DOCK3: variants seen among roughly 807,000 people sequenced by gnomAD.
DOCK3 encodes the protein dedicator of cytokinesis 3.
Under a neutral mutation model 265.6 loss-of-function variants are expected in DOCK3, and 60 were observed. The ratio of observed to expected loss-of-function variants is 0.23; its 90% CI spans 0.18 to 0.28. The LOEUF is 0.28. Among genes scored for constraint, DOCK3 ranks in the 10% least tolerant of loss-of-function variants. The pLI is 1.00. For synonymous variants in DOCK3, 881 were observed against 938.0 expected (o/e 0.94, Z 1.11); for missense variants, 1,981 against 2,594.3 (o/e 0.76, Z 5.14).
At chr3:50,710,778 T>C (rs770285580) in intron 1 of DOCK3, among the ~76,000 whole-genome samples, 1 of 152,036 alleles carries the variant, frequency 6.6e-6, no homozygotes, top group East Asian at 1.9e-4. Context: ...AACCAATGAG[T>C]GTATAAAGAA....
At chr3:50,913,296 G>A (rs1221511129) in intron 4 of DOCK3, among the ~76,000 whole-genome samples, 1 of 151,964 alleles carries the variant, frequency 6.6e-6, no homozygotes, top group Non-Finnish European at 1.5e-5. Flanking sequence ...TGATTGACTG[G>A]TGCCCTGTCT....
intron 27 of DOCK3, among the ~76,000 whole-genome samples, chr3:51,294,453 C>A (rs1044058146): frequency 1.3e-4 from 19 of 151,996 alleles, no homozygotes; most frequent in African/African-American, 4.6e-4. Context: ...CCAAGGCAGG[C>A]GGATCACGAG....
intron 1 of DOCK3, among the ~76,000 whole-genome samples, chr3:50,696,672 C>T (rs1177957419): frequency 6.6e-6 from 1 of 151,910 alleles, no homozygotes; most frequent in African/African-American, 2.4e-5. Flanking sequence ...TTTAGTGATA[C>T]TTTTTTGGGG....
At chr3:51,082,493 C>T (rs1419512837) in intron 7 of DOCK3, among the ~76,000 whole-genome samples, 1 of 152,174 alleles carries the variant, frequency 6.6e-6, no homozygotes, top group Non-Finnish European at 1.5e-5. Context: ...AAAGCTAAAA[C>T]TTGTGCTCCC....
At chr3:51,027,625 G>C (rs879223190) in intron 5 of DOCK3, among the ~76,000 whole-genome samples, 1 of 151,974 alleles carries the variant, frequency 6.6e-6, no homozygotes, top group Non-Finnish European at 1.5e-5. Context: ...GTGCTTTGTT[G>C]TTGGGTGCAT....
At chr3:51,226,384 C>T (rs1434264724) in intron 15 of DOCK3, among the ~76,000 whole-genome samples, 1 of 152,178 alleles carries the variant, frequency 6.6e-6, no homozygotes, top group Admixed American at 6.5e-5. Flanking sequence ...TTGCAGCCCA[C>T]TTTGTAGAAG....
At position 51,312,009 on chromosome 3, in the gene DOCK3, T is replaced by C; in HGVS notation, c.3023T>C (p.Ile1008Thr). 6.3e-7 allele frequency: 1 copy of C among 1,598,654 alleles called. No homozygotes were observed. The highest frequency in any genetic ancestry group is 1.3e-5 in the African/African-American group (1 of 74,882). Residue 1008 changes from isoleucine (I) to threonine (T), a missense_variant, in exon 29 of 53, where the codon ATA (isoleucine) becomes ACA (threonine). By Grantham distance (89) the Ile-to-Thr change is moderately conservative. This residue lies in a region of DOCK3 where 1,357 missense variants were observed against 1,866.8 expected (regional missense o/e 0.73). Transcript: ENST00000266037. The stretch of plus-strand genomic sequence containing the variant: ...GCCTTGTTTCCTTACTGCAGTATTA[T>C]AGTCACTACTGTCCAGTACCTGTCC... ...MVMRLLTSNI[I>T]VTTVQYLSSA...
At position 51,064,603 on chromosome 3, in the gene DOCK3, A is replaced by T. The variant is rs1165983177; in HGVS notation, c.464+7A>T. The T allele has an allele frequency of 6.2e-7, 1 of 1,612,044 alleles. No homozygotes were observed. On this transcript the variant is annotated splice_region_variant and intron_variant, in intron 6 of 52. Coordinates refer to ENST00000266037, the MANE Select transcript of DOCK3 (RefSeq NM_004947.5). ...GCCTGGACTGGGGTAATGAGTAAGTATGAAAATTGTTTGGGTATCTCTCAG... is the reference window on the plus strand; with the variant it reads ...GCCTGGACTGGGGTAATGAGTAAGTTTGAAAATTGTTTGGGTATCTCTCAG...
At chr3:50,767,070 C>T (rs545834269) in intron 1 of DOCK3, among the ~76,000 whole-genome samples, 2 of 152,014 alleles carry the variant, frequency 1.3e-5, no homozygotes, top group Non-Finnish European at 2.9e-5. Flanking sequence ...CTGTAGGTTG[C>T]CTGTTCGCTC....
At chr3:51,168,393 C>T (rs1253665948) in intron 12 of DOCK3, among the ~76,000 whole-genome samples, 1 of 152,144 alleles carries the variant, frequency 6.6e-6, no homozygotes, top group African/African-American at 2.4e-5. Flanking sequence ...CAAAAACAGA[C>T]ACATAGACAA....
intron 1 of DOCK3, among the ~76,000 whole-genome samples, chr3:50,742,970 C>T (rs2039160991): frequency 6.6e-6 from 1 of 152,160 alleles, no homozygotes; most frequent in South Asian, 2.1e-4. Context: ...CAAAGGGAAG[C>T]CCATCAGACT....
intron 5 of DOCK3, among the ~76,000 whole-genome samples, chr3:50,977,731 C>A (rs1467055998): frequency 6.6e-6 from 1 of 152,148 alleles, no homozygotes; most frequent in African/African-American, 2.4e-5. Flanking sequence ...AAATATCCTG[C>A]AGAGTGTTTT....
intron 1 of DOCK3, among the ~76,000 whole-genome samples, chr3:50,718,500 T>A (rs1266006512): frequency 6.6e-6 from 1 of 152,190 alleles, no homozygotes; most frequent in Non-Finnish European, 1.5e-5. Flanking sequence ...ATTTTTCTTT[T>A]TAAGTTTTAA....
chr3:51,107,638 G>GA (rs1269616034), intron 9 of DOCK3, among the ~76,000 whole-genome samples: 1 of 151,768 alleles, frequency 6.6e-6, no homozygotes, highest in Non-Finnish European at 1.5e-5. Context: ...CAAGAATAAA[G>GA]AAAAAAAGAA....
At chr3:50,779,565 G>A (rs1342883447) in intron 2 of DOCK3, among the ~76,000 whole-genome samples, 1 of 151,974 alleles carries the variant, frequency 6.6e-6, no homozygotes, top group East Asian at 1.9e-4. Context: ...TGTAGTTTTA[G>A]TAGAGATAGG....
intron 33 of DOCK3, among the ~76,000 whole-genome samples, chr3:51,331,210 G>C (rs1239911303): frequency 1.3e-5 from 2 of 152,196 alleles, no homozygotes; most frequent in Non-Finnish European, 2.9e-5. Context: ...TTTAAAAAGG[G>C]GGGAGTCTCC....
chr3:50,702,847 C>T (rs1223973787), intron 1 of DOCK3, among the ~76,000 whole-genome samples: 1 of 151,802 alleles, frequency 6.6e-6, no homozygotes, highest in Non-Finnish European at 1.5e-5. Context: ...TTTCTCTTGC[C>T]TGATTGCTCT....
At chr3:50,969,987 G>C (rs1222234537) in intron 5 of DOCK3, among the ~76,000 whole-genome samples, 1 of 152,094 alleles carries the variant, frequency 6.6e-6, no homozygotes, top group East Asian at 1.9e-4. Flanking sequence ...CAGGAGAATG[G>C]TGTAAACCCG....
intron 27 of DOCK3, among the ~76,000 whole-genome samples, chr3:51,283,580 CTT>C (rs2081251665): frequency 6.6e-6 from 1 of 152,204 alleles, no homozygotes; most frequent in Admixed American, 6.5e-5. Flanking sequence ...TTCTTACTGA[CTT>C]AGACTGGGGA....
Sources: allele counts gnomAD v4.1 joint callset (sites outside exome capture counted in the v4.1 genomes callset), GRCh38; gene constraint gnomAD v4.1.1; regional missense constraint gnomAD v4.1.1; transcripts MANE v1.5; gene names NCBI Gene and HGNC (gene_info 2026-07-23, HGNC 2026-07-21).